LRRIQ4: variants seen among roughly 807,000 people sequenced by gnomAD.
LRRIQ4 encodes leucine-rich repeat and IQ domain-containing protein 4.
Under a neutral mutation model 40.1 loss-of-function variants are expected in LRRIQ4, and 21 were observed. That is an observed-to-expected ratio of 0.52 (90% CI 0.37 to 0.75). The LOEUF (loss-of-function observed/expected upper bound fraction) is 0.75. Ranked by LOEUF, LRRIQ4 falls within the 30% of genes least tolerant of loss-of-function variation. The pLI, the probability that LRRIQ4 is intolerant of heterozygous loss-of-function variation, is 0.00. For synonymous variants in LRRIQ4, 277 were observed against 277.1 expected (o/e 1.00, Z 0.00); for missense variants, 655 against 660.0 (o/e 0.99, Z 0.08).
At chr3:169,814,500 T>C (rs1576756721) in intron 1 of LRRIQ4, among the ~76,000 whole-genome samples, 1 of 151,878 alleles carries the variant, frequency 6.6e-6, no homozygotes, top group Non-Finnish European at 1.5e-5. Flanking sequence ...TTTGTTTGTT[T>C]TTTGAGACAG....
rs1246435297 is a variant in LRRIQ4 at position 169,822,453 on chromosome 3, G to A, written c.532G>A (p.Glu178Lys). The A allele has an allele frequency of 6.2e-7, 1 of 1,613,994 alleles. No homozygotes were observed. Among genetic ancestry groups the A allele is most frequent in the Admixed American group, 1.7e-5 (1 of 60,018 alleles). Residue 178 changes from glutamate (E) to lysine (K), a missense_variant, in exon 2 of 6, where the codon GAA (glutamate) becomes AAA (lysine). By Grantham distance (56) the Glu-to-Lys change is moderately conservative. Coordinates refer to ENST00000340806, the MANE Select transcript of LRRIQ4 (RefSeq NM_001080460.3). ...REIYLKRNQF[E>K]VFPQELCVLY... is the part of the protein sequence containing the mutation. ...GATCTACCTGAAGCGAAACCAGTTT[G>A]AAGTTTTCCCCCAGGAGCTCTGTGT...
chr3:169,826,697 A>G lies in LRRIQ4; in HGVS notation c.1021-2062A>G, dbSNP rs187055837. ...ATTTCTAGGTTATAATAAAATGGTT[A>G]GATTGAAAAATCTTTTTTCATTGTT... is the stretch of plus-strand genomic sequence containing the variant. On this transcript the variant is annotated intron_variant, in intron 2 of 5. Transcript: ENST00000340806. Among the ~76,000 whole-genome samples the G allele has an allele frequency of 5.8e-4, 88 of 152,364 alleles. 1 individual carries two copies. In the East Asian group the frequency reaches 0.016, roughly 28 times the overall value.
At chr3:169,820,829 G>C (rs573960791) in intron 1 of LRRIQ4, among the ~76,000 whole-genome samples, 1 of 152,180 alleles carries the variant, frequency 6.6e-6, no homozygotes, top group Non-Finnish European at 1.5e-5. Flanking sequence ...TTCAGGACCT[G>C]TCTCTGTTCT....
At chr3:169,824,493 A>T (rs757380079) in intron 2 of LRRIQ4, among the ~76,000 whole-genome samples, 3 of 151,862 alleles carry the variant, frequency 2.0e-5, no homozygotes, top group East Asian at 3.9e-4. Flanking sequence ...TATTTATTTC[A>T]ATTTTAATTT....
In LRRIQ4 at chr3:169,837,530, G is replaced by A. The variant is rs202034195; in HGVS notation, c.1582G>A (p.Gly528Ser). 2.5e-5 allele frequency: 40 copies of A among 1,608,344 alleles called. No individual in the cohort carries two copies. The highest frequency in any genetic ancestry group is 1.6e-4 in the Middle Eastern group (1 of 6,084). Residue 528 changes from glycine (G) to serine (S), a missense_variant, in exon 6 of 6, where the codon GGT (glycine) becomes AGT (serine). Gly to Ser is a moderately conservative substitution (Grantham distance 56). Transcript: ENST00000340806. ...TMVQRGFGKF[G>S]ELLKPQKKGK... is the part of the protein sequence containing the mutation. ...GGTACAGAGAGGATTTGGGAAATTC[G>A]GTGAACTACTAAAACCACAAAAGAA...
chr3:169,820,249 C>CTGTGTGTGTGTG (rs55800037), intron 1 of LRRIQ4, among the ~76,000 whole-genome samples: 4 of 143,678 alleles, frequency 2.8e-5, no homozygotes, highest in Non-Finnish European at 4.6e-5. Context: ...CCCATAGACT[C>CTGTGTGTGTGTG]TGTGTGTGTG....
At chr3:169,837,414 A>T in intron 5 of LRRIQ4, 65 bp from the exon 6 acceptor site, 1 of 1,504,996 alleles carries the variant, frequency 6.6e-7, no homozygotes, top group Non-Finnish European at 8.9e-7. Context: ...GAATAAAGAG[A>T]TTTAACAATT....
intron 2 of LRRIQ4, among the ~76,000 whole-genome samples, chr3:169,826,186 G>A (rs898964459): frequency 6.6e-6 from 1 of 152,136 alleles, no homozygotes; most frequent in Non-Finnish European, 1.5e-5. Context: ...GAGGTCAGGA[G>A]TTTGAGACCA....
intron 2 of LRRIQ4, among the ~76,000 whole-genome samples, chr3:169,823,368 G>C (rs115634853): frequency 0.011 from 1,712 of 149,482 alleles, 45 homozygotes; most frequent in African/African-American, 0.041. Flanking sequence ...TCTTCCCCGA[G>C]ACGGAGTCTA....
At chr3:169,821,618 C>T (rs1779891748) in intron 1 of LRRIQ4, among the ~76,000 whole-genome samples, 1 of 151,488 alleles carries the variant, frequency 6.6e-6, no homozygotes, top group South Asian at 2.1e-4. Flanking sequence ...CCAGCCTGGG[C>T]AACAAAAGCG....
intron 2 of LRRIQ4, among the ~76,000 whole-genome samples, chr3:169,827,554 C>T (rs958005314): frequency 7.7e-5 from 11 of 143,538 alleles, no homozygotes; most frequent in African/African-American, 2.9e-4. Flanking sequence ...TTGCAGTGAG[C>T]CGAGATCGCG....
chr3:169,828,876 G>A lies in LRRIQ4; in HGVS notation c.1138G>A (p.Gly380Arg). Residue 380 changes from glycine (G) to arginine (R), a missense_variant, in exon 3 of 6, where the codon GGG (glycine) becomes AGG (arginine). Gly to Arg is a moderately radical substitution (Grantham distance 125). Transcript: ENST00000340806. Reference sequence around the variant, plus strand: ...AGCGTCTTTAGAGAAATTATACATTGGGCAAGACCAGGGATTCAAACTTAC... The same window carrying A: ...AGCGTCTTTAGAGAAATTATACATTAGGCAAGACCAGGGATTCAAACTTAC... The part of the protein sequence containing the change: ...SLASLEKLYI[G>R]QDQGFKLTYV... 1 of 1,613,720 alleles carries A rather than the reference G, an allele frequency of 6.2e-7. No homozygotes were observed. Among genetic ancestry groups the A allele is most frequent in the South Asian group, 1.1e-5 (1 of 91,026 alleles).
Position 169,822,150 on chromosome 3 carries a change from T to C in LRRIQ4, c.229T>C (p.Tyr77His), listed in dbSNP as rs200260896. The stretch of plus-strand genomic sequence containing the variant: ...GCGTTTAAAGAACATCAGGGTCCTC[T>C]ACCTGGATAAGAACAACCTGAGGAG... ...IQRLKNIRVL[Y>H]LDKNNLRSLC... Residue 77 changes from tyrosine (Y) to histidine (H), a missense_variant, in exon 2 of 6, where the codon TAC becomes CAC. Physicochemically the swap from Tyr to His is moderately conservative, Grantham distance 83. Transcript: ENST00000340806. 55 of 1,612,782 alleles carry C rather than the reference T, an allele frequency of 3.4e-5. No individual in the cohort carries two copies. The African/African-American group carries it at 6.0e-4, about 18-fold the overall frequency.
chr3:169,821,820 T>G (rs1779896530), intron 1 of LRRIQ4, 71 bp from the exon 2 acceptor site: 1 of 772,968 alleles, frequency 1.3e-6, no homozygotes, highest in Non-Finnish European at 1.9e-6. Flanking sequence ...TTTAATTTTA[T>G]TTTTCTTAAG....
chr3:169,818,738 A>G (rs965738037), intron 1 of LRRIQ4, among the ~76,000 whole-genome samples: 1 of 152,236 alleles, frequency 6.6e-6, no homozygotes, highest in Non-Finnish European at 1.5e-5. Context: ...TCTGAAGTCA[A>G]TTAAGGTTAC....
intron 1 of LRRIQ4, among the ~76,000 whole-genome samples, chr3:169,816,829 C>T (rs1466516639): frequency 6.6e-6 from 1 of 151,976 alleles, no homozygotes; most frequent in Non-Finnish European, 1.5e-5. Flanking sequence ...CACCACAATG[C>T]TTGGCTAATT....
chr3:169,819,296 A>G (rs934293812), intron 1 of LRRIQ4, among the ~76,000 whole-genome samples: 5 of 152,208 alleles, frequency 3.3e-5, no homozygotes, highest in Non-Finnish European at 5.9e-5. Flanking sequence ...GTGTATATAT[A>G]TAGCTTTCAG....
chr3:169,829,061 C>A, intron 3 of LRRIQ4, 129 bp downstream of exon 3: 2 of 802,990 alleles, frequency 2.5e-6, no homozygotes, highest in Non-Finnish European at 3.8e-6. Flanking sequence ...CAGCTTCAGA[C>A]AAGCAATCAT....
At chr3:169,829,015 C>A in intron 3 of LRRIQ4, 83 bp downstream of exon 3, 1 of 1,229,538 alleles carries the variant, frequency 8.1e-7, no homozygotes, top group South Asian at 1.5e-5. Flanking sequence ...ATGAGGTCTC[C>A]ACAGGCTGGA....
Sources: gnomAD v4.1 joint callset for allele counts (sites outside exome capture counted in the v4.1 genomes callset) on GRCh38, gnomAD v4.1.1 for gene constraint, MANE v1.5 for transcripts, NCBI Gene and HGNC (gene_info 2026-07-23, HGNC 2026-07-21) for gene names.